The following GPHN variants were observed in gnomAD, a reference collection of about 807,000 sequenced individuals.
The protein encoded by GPHN is gephyrin.
GPHN carries 17 observed loss-of-function variants against 95.5 expected under a neutral mutation model. The ratio of observed to expected loss-of-function variants is 0.18; its 90% CI spans 0.12 to 0.27. The LOEUF (loss-of-function observed/expected upper bound fraction) is 0.27. Among genes scored for constraint, GPHN ranks in the 10% least tolerant of loss-of-function variants. The pLI is 1.00. For missense variants in GPHN, 660 were observed against 978.1 expected (o/e 0.67, Z 4.34); for synonymous variants, 320 against 322.5 (o/e 0.99, Z 0.08).
chr14:67,651,349 C>A, the GPHN span: 2 of 1,612,618 alleles, frequency 1.2e-6, no homozygotes, highest in South Asian at 2.2e-5. Flanking sequence ...TTCACAAGGT[C>A]AAAGTTCTGG....
At chr14:66,793,404 C>T (rs2060043749) in intron 3 of GPHN, among the ~76,000 whole-genome samples, 1 of 152,014 alleles carries the variant, frequency 6.6e-6, no homozygotes, top group Non-Finnish European at 1.5e-5. Flanking sequence ...TATGTCAAAT[C>T]CACAGGAACA....
intron 4 of GPHN, among the ~76,000 whole-genome samples, chr14:66,831,557 A>G (rs755540621): frequency 3.3e-5 from 5 of 152,184 alleles, no homozygotes; most frequent in African/African-American, 7.2e-5. Flanking sequence ...GTTGGCATGC[A>G]ATATGGTATA....
chr14:66,616,217 A>G (rs558872967), intron 1 of GPHN, among the ~76,000 whole-genome samples: 1 of 111,536 alleles, frequency 9.0e-6, no homozygotes, highest in South Asian at 2.9e-4. Flanking sequence ...TGAAATTTAA[A>G]GATTTTCTAA....
At chr14:67,013,309 A>G (rs997146460) in intron 9 of GPHN, among the ~76,000 whole-genome samples, 5 of 152,082 alleles carry the variant, frequency 3.3e-5, no homozygotes, top group Non-Finnish European at 5.9e-5. Context: ...AGGATTCGCT[A>G]CATACACAAG....
At chr14:66,522,655 T>C (rs1233331840) in intron 1 of GPHN, among the ~76,000 whole-genome samples, 1 of 152,172 alleles carries the variant, frequency 6.6e-6, no homozygotes, top group Admixed American at 6.5e-5. Flanking sequence ...GTATGATTTT[T>C]ATATGTATTC....
At chr14:66,952,283 A>G (rs1190936820) in intron 8 of GPHN, among the ~76,000 whole-genome samples, 1 of 152,236 alleles carries the variant, frequency 6.6e-6, no homozygotes, top group African/African-American at 2.4e-5. Flanking sequence ...ATGCAATCAT[A>G]CAATATGTAA....
At chr14:66,593,300 TA>T (rs529882762) in intron 1 of GPHN, among the ~76,000 whole-genome samples, 2,752 of 139,486 alleles carry the variant, frequency 0.02, 31 homozygotes, top group Middle Eastern at 0.093. Context: ...TTAAAGTATT[TA>T]AAAAAAAAAA....
rs753179169 is a variant in GPHN at position 66,761,659 on chromosome 14, C to CT, written c.144-14787dup. Among the ~76,000 whole-genome samples the CT allele has an allele frequency of 6.5e-3, 875 of 135,650 alleles. 2 individuals are homozygous for CT. Among genetic ancestry groups the CT allele is most frequent in the Middle Eastern group, 0.011 (3 of 262 alleles). 89.0% of individuals were successfully genotyped at this position (135,650 alleles called of 152,430 possible). A position where few individuals can be genotyped will look rare whatever the true frequency, so the allele number is the denominator to read the frequency against. ...TTCCACTTTGGAGAAATACTCAGTT[C>CT]TTTTTTTTTTTTTTTTTTGAGATGG... On this transcript the variant is annotated intron_variant, in intron 2 of 22. Transcript: ENST00000478722.
intron 8 of GPHN, among the ~76,000 whole-genome samples, chr14:66,936,361 G>A (rs927469047): frequency 3.3e-5 from 5 of 151,518 alleles, no homozygotes; most frequent in Admixed American, 1.3e-4. Flanking sequence ...CCTGGGTGAC[G>A]AGAAACTCCA....
At chr14:66,967,287 A>T (rs2069405343) in intron 9 of GPHN, among the ~76,000 whole-genome samples, 1 of 152,002 alleles carries the variant, frequency 6.6e-6, no homozygotes, top group Non-Finnish European at 1.5e-5. Flanking sequence ...TATTCCAATT[A>T]GGCATCTGGA....
chr14:67,318,903 AAAAAATT>A, the GPHN span, among the ~76,000 whole-genome samples: 1 of 152,068 alleles, frequency 6.6e-6, no homozygotes, highest in South Asian at 2.1e-4. Context: ...TAAAAAATAC[AAAAAATT>A]AGCCAGGCGT....
At chr14:67,339,698 T>G in the GPHN span, among the ~76,000 whole-genome samples, 3 of 152,234 alleles carry the variant, frequency 2.0e-5, no homozygotes. Flanking sequence ...GCTTTATACC[T>G]TCTCCTGAAC....
intron 3 of GPHN, among the ~76,000 whole-genome samples, chr14:66,779,035 G>A (rs1006367827): frequency 2.6e-5 from 4 of 151,812 alleles, no homozygotes; most frequent in East Asian, 1.9e-4. Context: ...GAGCCACTGC[G>A]CCCAGCCTCA....
chr14:66,771,279 C>T (rs1374892246), intron 2 of GPHN, among the ~76,000 whole-genome samples: 1 of 152,156 alleles, frequency 6.6e-6, no homozygotes, highest in African/African-American at 2.4e-5. Flanking sequence ...TTTCATTTCC[C>T]TCCTTACCTA....
chr14:67,660,238 G>A, the GPHN span: 1 of 181,902 alleles, frequency 5.5e-6, no homozygotes, highest in Non-Finnish European at 1.1e-5. Flanking sequence ...CAATAAGGTA[G>A]GAAATGCTCC....
At chr14:66,651,596 A>C (rs1162734287) in intron 1 of GPHN, among the ~76,000 whole-genome samples, 2 of 152,102 alleles carry the variant, frequency 1.3e-5, no homozygotes, top group Non-Finnish European at 2.9e-5. Context: ...CCACTGCTTG[A>C]CTTCAAATTA....
chr14:66,560,144 C>T (rs530775185), intron 1 of GPHN, among the ~76,000 whole-genome samples: 2 of 152,092 alleles, frequency 1.3e-5, no homozygotes, highest in South Asian at 4.2e-4. Flanking sequence ...TTACTGTAGC[C>T]TTGTAGTATA....
chr14:66,888,755 A>G (rs1481735088), intron 5 of GPHN, among the ~76,000 whole-genome samples: 1 of 152,140 alleles, frequency 6.6e-6, no homozygotes, highest in Non-Finnish European at 1.5e-5. Flanking sequence ...TTAAGTGTAA[A>G]TGGATTAAAC....
At chr14:66,789,823 C>CAG (rs1167006305) in intron 3 of GPHN, among the ~76,000 whole-genome samples, 5 of 152,192 alleles carry the variant, frequency 3.3e-5, no homozygotes, top group Admixed American at 2.0e-4. Context: ...TCCAAACGTG[C>CAG]AGAGAGCTGA....
Sources: allele counts gnomAD v4.1 joint callset (sites outside exome capture counted in the v4.1 genomes callset), GRCh38; gene constraint gnomAD v4.1.1; transcripts MANE v1.5; gene names NCBI Gene and HGNC (gene_info 2026-07-23, HGNC 2026-07-21).